RBFOX1: variants seen among roughly 807,000 people sequenced by gnomAD.
The protein encoded by RBFOX1 is RNA binding protein fox-1 homolog 1.
RBFOX1 carries 8 observed loss-of-function variants against 57.7 expected under a neutral mutation model. That is an observed-to-expected ratio of 0.14 (90% CI 0.08 to 0.25). The LOEUF is 0.25. RBFOX1 is among the 10% of genes least tolerant of loss of function. RBFOX1 has a pLI of 1.00. For missense variants in RBFOX1, 611 were observed against 548.5 expected, an observed-to-expected ratio of 1.11 and a Z score of -1.14; for synonymous variants, 326 against 222.4, an observed-to-expected ratio of 1.47 and a Z score of -4.15.
chr16:6,611,248 G>A (rs185439753), intron 2 of RBFOX1, among the ~76,000 whole-genome samples: 1 of 152,146 alleles, frequency 6.6e-6, no homozygotes, highest in Non-Finnish European at 1.5e-5. Context: ...CCAGGTTCAA[G>A]CAATTCTCCT....
chr16:6,915,805 G>A (rs987559070), intron 3 of RBFOX1, among the ~76,000 whole-genome samples: 4 of 152,036 alleles, frequency 2.6e-5, no homozygotes, highest in African/African-American at 7.3e-5. Flanking sequence ...GCCTGCCCTG[G>A]CCTCGCAAAG....
chr16:7,214,482 C>T (rs925718997), intron 4 of RBFOX1, among the ~76,000 whole-genome samples: 2 of 151,982 alleles, frequency 1.3e-5, no homozygotes, highest in African/African-American at 4.8e-5. Flanking sequence ...CCATCCACTG[C>T]CTCCATCTCC....
intron 4 of RBFOX1, among the ~76,000 whole-genome samples, chr16:7,269,654 T>C (rs1473881957): frequency 6.6e-6 from 1 of 152,222 alleles, no homozygotes; most frequent in Non-Finnish European, 1.5e-5. Flanking sequence ...TTACCTCTGT[T>C]GTTATTGAAG....
chr16:6,901,014 C>T (rs926219629), intron 3 of RBFOX1, among the ~76,000 whole-genome samples: 1 of 152,150 alleles, frequency 6.6e-6, no homozygotes. Flanking sequence ...CCTGATATCC[C>T]TCCCATTCAC....
chr16:7,700,319 C>G (rs1205873587), intron 14 of RBFOX1, among the ~76,000 whole-genome samples: 2 of 152,096 alleles, frequency 1.3e-5, no homozygotes, highest in East Asian at 3.9e-4. Flanking sequence ...TCACTGTAGC[C>G]TTGTACGATG....
intron 4 of RBFOX1, among the ~76,000 whole-genome samples, chr16:5,957,199 A>T (rs1336744356): frequency 2.0e-5 from 3 of 152,120 alleles, no homozygotes; most frequent in African/African-American, 4.8e-5. Flanking sequence ...TATGAGAAAC[A>T]ATTTATTTTT....
At chr16:5,544,485 C>G (rs2045101623) in intron 2 of RBFOX1, among the ~76,000 whole-genome samples, 1 of 151,516 alleles carries the variant, frequency 6.6e-6, no homozygotes. Flanking sequence ...CTCTAAGAGA[C>G]TAGAATGAAA....
rs573778394 is a variant in RBFOX1 at position 6,725,487 on chromosome 16, A to C, written c.-16+70837A>C. On this transcript the variant is annotated intron_variant, in intron 3 of 15. Coordinates refer to ENST00000550418, the MANE Select transcript of RBFOX1 (RefSeq NM_018723.4). Reference sequence around the variant, plus strand: ...ATGCAGCCCAGTGGGTCTCAGCCTTAGGGGATGAACCCTCAGTTTTGGGAA... The same window carrying C: ...ATGCAGCCCAGTGGGTCTCAGCCTTCGGGGATGAACCCTCAGTTTTGGGAA... Among the ~76,000 whole-genome samples the C allele has an allele frequency of 4.7e-4, 72 of 152,242 alleles. 4 individuals carry two copies. In the South Asian group the frequency reaches 0.015, roughly 32 times the overall value.
intron 14 of RBFOX1, among the ~76,000 whole-genome samples, chr16:7,706,282 A>G (rs796834056): frequency 4.9e-4 from 74 of 152,348 alleles, no homozygotes; most frequent in African/African-American, 1.8e-3. Context: ...AATCATAATA[A>G]AACCATTGGA....
intron 2 of RBFOX1, among the ~76,000 whole-genome samples, chr16:6,591,266 T>G (rs374097503): frequency 3.3e-5 from 5 of 152,204 alleles, no homozygotes; most frequent in African/African-American, 1.2e-4. Context: ...GCCAACATGA[T>G]GAAACACCAC....
intron 4 of RBFOX1, among the ~76,000 whole-genome samples, chr16:5,895,226 T>C (rs1314791179): frequency 6.6e-6 from 1 of 152,256 alleles, no homozygotes; most frequent in Non-Finnish European, 1.5e-5. Flanking sequence ...CTTAACTTAG[T>C]TGAGGCAGTT....
At chr16:6,652,245 T>A (rs1476321728) in intron 2 of RBFOX1, among the ~76,000 whole-genome samples, 1 of 152,084 alleles carries the variant, frequency 6.6e-6, no homozygotes, top group Non-Finnish European at 1.5e-5. Context: ...GGTCAAGAGA[T>A]CGAGAGCATC....
At chr16:6,687,476 C>T (rs143482828) in intron 3 of RBFOX1, among the ~76,000 whole-genome samples, 3 of 152,082 alleles carry the variant, frequency 2.0e-5, no homozygotes, top group South Asian at 2.1e-4. Flanking sequence ...AATAATTAAA[C>T]TTAAAAGTGG....
chr16:6,721,162 G>C (rs1398386147), intron 3 of RBFOX1, among the ~76,000 whole-genome samples: 1 of 152,174 alleles, frequency 6.6e-6, no homozygotes, highest in Non-Finnish European at 1.5e-5. Flanking sequence ...TATCATGTTG[G>C]CCGGGCACGG....
chr16:6,618,291 T>C (rs2098172916), intron 2 of RBFOX1, among the ~76,000 whole-genome samples: 1 of 152,218 alleles, frequency 6.6e-6, no homozygotes, highest in African/African-American at 2.4e-5. Flanking sequence ...AACCGTTCAT[T>C]GTAATAGATG....
intron 2 of RBFOX1, among the ~76,000 whole-genome samples, chr16:6,357,632 G>T (rs190330022): frequency 1.3e-3 from 199 of 151,074 alleles, no homozygotes; most frequent in Middle Eastern, 3.4e-3. Flanking sequence ...TCTCTGTCTT[G>T]CTTCCTGCTT....
intron 1 of RBFOX1, among the ~76,000 whole-genome samples, chr16:6,211,526 C>T (rs2097298047): frequency 1.3e-5 from 2 of 152,094 alleles, no homozygotes; most frequent in African/African-American, 4.8e-5. Context: ...CCTCGCCCAG[C>T]CAATCTAGTT....
At chr16:6,678,887 C>T (rs1279437422) in intron 3 of RBFOX1, among the ~76,000 whole-genome samples, 1 of 152,122 alleles carries the variant, frequency 6.6e-6, no homozygotes, top group African/African-American at 2.4e-5. Flanking sequence ...CCAAGTGTAG[C>T]ATGAATTCCA....
At chr16:6,641,734 CAAAAAAAAAAAAAAAAAAAAAAAAAAA>C (rs869202831) in intron 2 of RBFOX1, among the ~76,000 whole-genome samples, 5 of 68,974 alleles carry the variant, frequency 7.2e-5, no homozygotes, top group East Asian at 4.0e-4. Flanking sequence ...GACTCCGTCT[CAAAAAAAAAAAAAAAAAAAAAAAAAAA>C]AAAAAAAAAA....
Sources: allele counts gnomAD v4.1 joint callset (sites outside exome capture counted in the v4.1 genomes callset), GRCh38; gene constraint gnomAD v4.1.1; transcripts MANE v1.5; gene names NCBI Gene and HGNC (gene_info 2026-07-23, HGNC 2026-07-21).